Variants in UNC79 observed in about 807,000 individuals in gnomAD.
UNC79 encodes the protein unc-79 subunit of NALCN channel complex.
UNC79 carries 37 observed loss-of-function variants against 283.1 expected under a neutral mutation model. The observed-to-expected ratio is 0.13, with a 90% CI of 0.10 to 0.17. The LOEUF is 0.17. Ranked by LOEUF, UNC79 falls within the 10% of genes least tolerant of loss-of-function variation. UNC79 has a pLI of 1.00. For missense variants in UNC79, 2,272 were observed against 3,211.1 expected, an observed-to-expected ratio of 0.71 and a Z score of 7.07; for synonymous variants, 1,107 against 1,200.2, an observed-to-expected ratio of 0.92 and a Z score of 1.61.
chr14:93,694,193 A>G, intron 46 of UNC79, 142 bp from the exon 50 acceptor site: 2 of 619,380 alleles, frequency 3.2e-6, no homozygotes, highest in Middle Eastern at 2.6e-4. Flanking sequence ...AGGTGAATGA[A>G]CACCACTGCC....
chr14:93,658,871 C>G (rs1253060449), intron 38 of UNC79, among the ~76,000 whole-genome samples: 2 of 152,126 alleles, frequency 1.3e-5, no homozygotes, highest in African/African-American at 4.8e-5. Context: ...TCCATCCATC[C>G]ATCCATCCAT....
chr14:93,401,298 A>AG (rs1350381855), intron 1 of UNC79, among the ~76,000 whole-genome samples: 2 of 152,206 alleles, frequency 1.3e-5, no homozygotes, highest in Admixed American at 6.5e-5. Context: ...ACAGTTTTTG[A>AG]GGGGTAGGAT....
At chr14:93,364,266 C>G (rs916065474) in intron 1 of UNC79, among the ~76,000 whole-genome samples, 3 of 152,078 alleles carry the variant, frequency 2.0e-5, no homozygotes, top group African/African-American at 7.2e-5. Context: ...CATTAGCCCC[C>G]TAAAGATAAC....
intron 1 of UNC79, among the ~76,000 whole-genome samples, chr14:93,356,347 A>T (rs1218424580): frequency 1.3e-5 from 2 of 152,302 alleles, no homozygotes; most frequent in East Asian, 3.9e-4. Context: ...TCACTCTTGT[A>T]GGCTGCAACC....
intron 7 of UNC79, among the ~76,000 whole-genome samples, chr14:93,523,648 A>T (rs975225969): frequency 6.6e-6 from 1 of 152,168 alleles, no homozygotes; most frequent in Non-Finnish European, 1.5e-5. Context: ...ATGAAATGAG[A>T]TTAATAATCT....
At chr14:93,654,109 A>G in intron 37 of UNC79, 84 bp downstream of exon 40, 2 of 1,054,160 alleles carry the variant, frequency 1.9e-6, no homozygotes, top group Non-Finnish European at 2.9e-6. Flanking sequence ...TTTGAGTCAC[A>G]CCATAGGATA....
At chr14:93,631,311 A>C (rs1463950126) in intron 31 of UNC79, among the ~76,000 whole-genome samples, 2 of 152,212 alleles carry the variant, frequency 1.3e-5, no homozygotes, top group Non-Finnish European at 2.9e-5. Flanking sequence ...TCATTGACAA[A>C]ATTTGATCTA....
chr14:93,609,281 G>A (rs2066122078), intron 26 of UNC79, among the ~76,000 whole-genome samples: 1 of 152,206 alleles, frequency 6.6e-6, no homozygotes, highest in Non-Finnish European at 1.5e-5. Flanking sequence ...GGGAAAAACG[G>A]CTCCATTCTG....
At chr14:93,417,159 C>T (rs2055480408) in intron 1 of UNC79, among the ~76,000 whole-genome samples, 2 of 152,148 alleles carry the variant, frequency 1.3e-5, no homozygotes, top group African/African-American at 4.8e-5. Flanking sequence ...GTGGCTGGTA[C>T]CGGTTGTTCC....
At chr14:93,491,234 G>A (rs1377384473) in intron 5 of UNC79, among the ~76,000 whole-genome samples, 1 of 151,950 alleles carries the variant, frequency 6.6e-6, no homozygotes, top group African/African-American at 2.4e-5. Flanking sequence ...AGAATTTTGA[G>A]GTGACACAAA....
chr14:93,537,852 A>T, intron 11 of UNC79, 137 bp from the exon 12 acceptor site: 1 of 773,282 alleles, frequency 1.3e-6, no homozygotes. Flanking sequence ...GTGGGAGAAT[A>T]ACCTGCGCTT....
intron 14 of UNC79, among the ~76,000 whole-genome samples, chr14:93,562,329 T>G (rs889956942): frequency 2.3e-4 from 35 of 152,132 alleles, no homozygotes; most frequent in African/African-American, 7.2e-4. Context: ...AAGAGAAGAT[T>G]AGCAGCCTGG....
intron 1 of UNC79, among the ~76,000 whole-genome samples, chr14:93,372,621 T>C (rs1268309979): frequency 6.6e-6 from 1 of 152,194 alleles, no homozygotes; most frequent in Non-Finnish European, 1.5e-5. Context: ...TGAAATACAA[T>C]CCTCAATGTG....
At chr14:93,492,026 G>T (rs1236029403) in intron 5 of UNC79, among the ~76,000 whole-genome samples, 1 of 152,164 alleles carries the variant, frequency 6.6e-6, no homozygotes, top group East Asian at 1.9e-4. Flanking sequence ...GATCCTTGTA[G>T]CTGATTGTGT....
chr14:93,569,110 A>C (rs2063070507), intron 14 of UNC79, among the ~76,000 whole-genome samples: 1 of 152,250 alleles, frequency 6.6e-6, no homozygotes, highest in Non-Finnish European at 1.5e-5. Context: ...GGTCTAAAGC[A>C]GAATTACTTC....
chr14:93,707,155 TTAAC>T (rs778740777), downstream of UNC79: 84 of 405,672 alleles, frequency 2.1e-4, no homozygotes, highest in African/African-American at 1.5e-3. Flanking sequence ...TCATTTTTCT[TTAAC>T]TAACTTCTAT....
chr14:93,635,633 G>A (rs2068446512), intron 31 of UNC79, among the ~76,000 whole-genome samples: 1 of 152,314 alleles, frequency 6.6e-6, no homozygotes, highest in Admixed American at 6.5e-5. Flanking sequence ...TTCTTAGAGA[G>A]AGAGAGAGAG....
At chr14:93,461,572 T>C (rs2056964501) in intron 1 of UNC79, among the ~76,000 whole-genome samples, 1 of 152,210 alleles carries the variant, frequency 6.6e-6, no homozygotes, top group Non-Finnish European at 1.5e-5. Flanking sequence ...AAAGTTGAAC[T>C]GCTGTAAAAA....
chr14:93,443,769 A>T (rs557539722), intron 1 of UNC79, among the ~76,000 whole-genome samples: 7 of 152,052 alleles, frequency 4.6e-5, no homozygotes, highest in Non-Finnish European at 7.4e-5. Flanking sequence ...AGAGTCACTC[A>T]TGTTGTTGGG....
Sources: allele counts gnomAD v4.1 joint callset (sites outside exome capture counted in the v4.1 genomes callset), GRCh38; gene constraint gnomAD v4.1.1; transcripts MANE v1.5; gene names NCBI Gene and HGNC (gene_info 2026-07-23, HGNC 2026-07-21).